The following PDE7B variants were observed in gnomAD, a reference collection of about 807,000 sequenced individuals.
PDE7B encodes the protein phosphodiesterase 7B.
A neutral mutation model predicts 56.2 loss-of-function variants in PDE7B; 29 were observed. That is an observed-to-expected ratio of 0.52 (90% CI 0.38 to 0.70). The LOEUF (loss-of-function observed/expected upper bound fraction) is 0.70. Ranked by LOEUF, PDE7B falls within the 30% of genes least tolerant of loss-of-function variation. PDE7B has a pLI of 0.00. For missense variants in PDE7B, 490 were observed against 565.0 expected, an observed-to-expected ratio of 0.87 and a Z score of 1.35; for synonymous variants, 197 against 196.9, an observed-to-expected ratio of 1.00 and a Z score of 0.00.
intron 12 of PDE7B, among the ~76,000 whole-genome samples, chr6:136,188,141 T>TA (rs1462833912): frequency 2.6e-5 from 4 of 152,150 alleles, no homozygotes; most frequent in African/African-American, 9.7e-5. Context: ...AGGTCAAATC[T>TA]AATCCACCGT....
chr6:136,083,489 G>GTGTC (rs1490830355), intron 2 of PDE7B, among the ~76,000 whole-genome samples: 3 of 152,148 alleles, frequency 2.0e-5, no homozygotes, highest in African/African-American at 7.2e-5. Context: ...CGTAACAGAA[G>GTGTC]TGTCTGAAAT....
At chr6:136,133,824 G>A (rs541568947) in intron 3 of PDE7B, among the ~76,000 whole-genome samples, 202 of 152,246 alleles carry the variant, frequency 1.3e-3, no homozygotes, top group African/African-American at 4.6e-3. Context: ...GCTGCCGAAG[G>A]ACAGATGGCA....
At chr6:136,183,373 C>T (rs1029884202) in intron 11 of PDE7B, among the ~76,000 whole-genome samples, 6 of 151,864 alleles carry the variant, frequency 4.0e-5, no homozygotes, top group African/African-American at 1.5e-4. Flanking sequence ...GCGGGCGGAT[C>T]ATGAGGTCAG....
chr6:135,950,013 G>A (rs1400130027), intron 2 of PDE7B, among the ~76,000 whole-genome samples: 3 of 151,950 alleles, frequency 2.0e-5, no homozygotes, highest in African/African-American at 7.3e-5. Flanking sequence ...ATCTTAGATG[G>A]AAGAATACCA....
At chr6:136,171,237 C>T (rs1778874609) in intron 8 of PDE7B, among the ~76,000 whole-genome samples, 1 of 152,158 alleles carries the variant, frequency 6.6e-6, no homozygotes, top group South Asian at 2.1e-4. Context: ...CAGGTTCCCT[C>T]AAGGACAGGA....
chr6:136,186,151 C>T lies in PDE7B; in HGVS notation c.1046-885C>T, dbSNP rs557520710. Reference sequence around the variant, plus strand: ...ACATTTTGAGCTGGGTGCAGAGGCTCACACCTGCAATCCCAACAGTTTGGA... The same window carrying T: ...ACATTTTGAGCTGGGTGCAGAGGCTTACACCTGCAATCCCAACAGTTTGGA... On this transcript the variant is annotated intron_variant, in intron 11 of 12. Coordinates refer to ENST00000308191, the MANE Select transcript of PDE7B (RefSeq NM_018945.4). Among the ~76,000 whole-genome samples, 4 of 152,080 alleles carry T rather than the reference C, an allele frequency of 2.6e-5. No individual in the cohort carries two copies. The South Asian group carries it at 6.2e-4, about 24-fold the overall frequency.
At chr6:136,046,584 A>T (rs1776512569) in intron 2 of PDE7B, among the ~76,000 whole-genome samples, 1 of 152,192 alleles carries the variant, frequency 6.6e-6, no homozygotes, top group African/African-American at 2.4e-5. Context: ...AGGGAGAAGC[A>T]AATGTATGTT....
At chr6:135,937,927 C>T (rs1418211849) in intron 1 of PDE7B, among the ~76,000 whole-genome samples, 2 of 152,196 alleles carry the variant, frequency 1.3e-5, no homozygotes, top group Admixed American at 1.3e-4. Context: ...CTGCTTCTAC[C>T]TTCTTCCTTC....
At position 135,895,322 on chromosome 6, in the gene PDE7B, G is replaced by A. The variant is rs1458144707; in HGVS notation, c.21+43303G>A. Among the ~76,000 whole-genome samples the A allele has an allele frequency of 2.0e-5, 3 of 152,080 alleles. No individual in the cohort carries two copies. In the East Asian group the frequency reaches 5.8e-4, roughly 29 times the overall value. ...AAGTCAATGTTGTTTATCAAGGCCT[G>A]GAAAATAAACCCCTGTTTATTTCTA... On this transcript the variant is annotated intron_variant, in intron 1 of 12. Transcript: ENST00000308191.
intron 2 of PDE7B, among the ~76,000 whole-genome samples, chr6:136,092,302 G>A (rs533338845): frequency 6.6e-6 from 1 of 152,132 alleles, no homozygotes; most frequent in East Asian, 1.9e-4. Flanking sequence ...TACTTCTCTG[G>A]GTTCAATTAT....
chr6:135,856,619 A>C (rs568023685), intron 1 of PDE7B, among the ~76,000 whole-genome samples: 1 of 152,030 alleles, frequency 6.6e-6, no homozygotes, highest in Admixed American at 6.6e-5. Flanking sequence ...TAATCGAGAC[A>C]TTTCTGGGAT....
intron 1 of PDE7B, among the ~76,000 whole-genome samples, chr6:135,882,706 G>T (rs576588924): frequency 1.3e-5 from 2 of 152,218 alleles, no homozygotes; most frequent in East Asian, 3.9e-4. Context: ...TGTGAGCTCT[G>T]CAACTTCAGA....
In PDE7B at chr6:136,174,379, A is replaced by T. The variant is rs149531810; in HGVS notation, c.803+491A>T. 4.7e-3 allele frequency among the ~76,000 whole-genome samples: 708 copies of T among 152,234 alleles called. 8 individuals carry two copies. The highest frequency in any genetic ancestry group is 0.016 in the African/African-American group (665 of 41,544). ...GCTAAGTAATTGAAATGGCCCTAGC[A>T]TTTTTTTCACCAATTAATTTACCTT... On this transcript the variant is annotated intron_variant, in intron 9 of 12. Coordinates refer to ENST00000308191, the MANE Select transcript of PDE7B (RefSeq NM_018945.4).
chr6:136,037,467 C>T (rs1776342497), intron 2 of PDE7B: 4 of 985,216 alleles, frequency 4.1e-6, no homozygotes, highest in South Asian at 9.4e-5. Flanking sequence ...GGAGAAGGAG[C>T]GAGAGTGATC....
intron 2 of PDE7B, among the ~76,000 whole-genome samples, chr6:136,005,192 C>T (rs199910339): frequency 3.9e-5 from 6 of 151,922 alleles, no homozygotes; most frequent in African/African-American, 1.5e-4. Context: ...ACACCTTATA[C>T]AAAAATTAAT....
chr6:136,078,890 G>A lies in PDE7B; in HGVS notation c.83-29841G>A, dbSNP rs115851437. ...ACCAGAAAAGTCTAAATAAAAAGTA[G>A]CCCAAATTCTGTCACCCAGGGAAAC... On this transcript the variant is annotated intron_variant, in intron 2 of 12. Transcript: ENST00000308191. Among the ~76,000 whole-genome samples, 847 of 152,142 alleles carry A rather than the reference G, an allele frequency of 5.6e-3. 6 individuals are homozygous for A. The highest frequency in any genetic ancestry group is 0.019 in the African/African-American group (801 of 41,508).
intron 1 of PDE7B, among the ~76,000 whole-genome samples, chr6:135,857,925 T>C (rs996360589): frequency 6.6e-6 from 1 of 152,150 alleles, no homozygotes; most frequent in African/African-American, 2.4e-5. Flanking sequence ...TAACAAACAA[T>C]GCCTTGGAGA....
At chr6:136,033,814 T>A (rs1226173300) in intron 2 of PDE7B, among the ~76,000 whole-genome samples, 3 of 152,144 alleles carry the variant, frequency 2.0e-5, no homozygotes, top group Admixed American at 2.0e-4. Flanking sequence ...AAAGACCTGT[T>A]TTTACTTCCC....
rs571174157 is a variant in PDE7B at position 136,185,828 on chromosome 6, C to T, written c.1046-1208C>T. ...AAATGCTTAGAACGTGCCTGGCACA[C>T]GGTAGTCACTATATAAATGTTGTGT... On this transcript the variant is annotated intron_variant, in intron 11 of 12. Transcript: ENST00000308191. 2.6e-4 allele frequency among the ~76,000 whole-genome samples: 40 copies of T among 152,102 alleles called. 1 individual carries two copies. Among genetic ancestry groups the T allele is most frequent in the African/African-American group, 9.2e-4 (38 of 41,498 alleles).
Sources: allele counts gnomAD v4.1 joint callset (sites outside exome capture counted in the v4.1 genomes callset), GRCh38; gene constraint gnomAD v4.1.1; transcripts MANE v1.5; gene names NCBI Gene and HGNC (gene_info 2026-07-23, HGNC 2026-07-21).